Variants in EFHD2 observed in about 807,000 individuals in gnomAD.
EFHD2 encodes the protein EF-hand domain family member D2.
Under a neutral mutation model 20.3 loss-of-function variants are expected in EFHD2, and 12 were observed. That is an observed-to-expected ratio of 0.59 (90% CI 0.38 to 0.96). The LOEUF (loss-of-function observed/expected upper bound fraction) is 0.96. EFHD2 is among the 40% of genes least tolerant of loss of function. EFHD2 has a pLI of 0.00. For missense variants in EFHD2, 250 were observed against 334.3 expected, an observed-to-expected ratio of 0.75 and a Z score of 1.97; for synonymous variants, 131 against 143.9, an observed-to-expected ratio of 0.91 and a Z score of 0.64.
intron 1 of EFHD2, among the ~76,000 whole-genome samples, chr1:15,419,248 G>A (rs1340704958): frequency 6.6e-6 from 1 of 152,218 alleles, no homozygotes; most frequent in African/African-American, 2.4e-5. Flanking sequence ...GGGATGGATG[G>A]GGATTTTGTC....
chr1:15,409,964 G>A lies in EFHD2; in HGVS notation c.-8G>A. 8.1e-7 allele frequency: 1 copy of A among 1,234,202 alleles called. No homozygotes were observed. The highest frequency in any genetic ancestry group is 3.4e-5 in the East Asian group (1 of 29,578). The allele number at this position is 1,234,202 out of a possible 1,614,324, so 76.5% of individuals were successfully genotyped here. ...GGCCCGGCCAAGGCGAGTGCCGCGC[G>A]GGCCACCATGGCCACGGACGAGCTG... On this transcript the variant is annotated 5_prime_UTR_variant, in exon 1 of 4. Transcript: ENST00000375980.
intron 1 of EFHD2, among the ~76,000 whole-genome samples, chr1:15,420,709 G>A (rs927353027): frequency 3.6e-4 from 55 of 152,056 alleles, no homozygotes; most frequent in African/African-American, 1.2e-3. Flanking sequence ...TAGTAGAGAC[G>A]GAGTTTTACC....
At chr1:15,410,401 C>A (rs1473023239) in intron 1 of EFHD2, 122 bp downstream of exon 1, 4 of 1,238,224 alleles carry the variant, frequency 3.2e-6, no homozygotes, top group Admixed American at 3.1e-5. Flanking sequence ...TTCCCCGAAC[C>A]CAGACGCACC....
chr1:15,428,831 A>G lies in EFHD2; in HGVS notation c.*107A>G. Reference sequence around the variant, plus strand: ...GCCTGTGTCTGACGGGACCACTACTAAAAACCTAAAAATATCTGTGAATGG... The same window carrying G: ...GCCTGTGTCTGACGGGACCACTACTGAAAACCTAAAAATATCTGTGAATGG... On this transcript the variant is annotated 3_prime_UTR_variant, in exon 4 of 4. Transcript: ENST00000375980. 1 of 1,481,366 alleles carries G rather than the reference A, an allele frequency of 6.8e-7. No individual in the cohort carries two copies. The highest frequency in any genetic ancestry group is 1.3e-5 in the South Asian group (1 of 78,480). The allele number at this position is 1,481,366 out of a possible 1,614,324, so 91.8% of individuals were successfully genotyped here.
At chr1:15,420,581 A>G (rs918539109) in intron 1 of EFHD2, among the ~76,000 whole-genome samples, 5 of 152,062 alleles carry the variant, frequency 3.3e-5, no homozygotes, top group South Asian at 2.1e-4. Flanking sequence ...GTGCAGTGGC[A>G]TGATCTCAGC....
At chr1:15,410,425 C>T in intron 1 of EFHD2, 146 bp downstream of exon 1, 3 of 1,045,448 alleles carry the variant, frequency 2.9e-6, no homozygotes, top group Non-Finnish European at 2.7e-6. Flanking sequence ...GTTGGGGACC[C>T]GGCGGCCCCT....
chr1:15,421,458 C>G (rs934123407), intron 1 of EFHD2, among the ~76,000 whole-genome samples: 2 of 152,270 alleles, frequency 1.3e-5, no homozygotes, highest in East Asian at 3.9e-4. Flanking sequence ...TCTTTGGCAC[C>G]GCAGCCAGCC....
chr1:15,421,867 G>A (rs1707797622), intron 1 of EFHD2, among the ~76,000 whole-genome samples: 1 of 152,168 alleles, frequency 6.6e-6, no homozygotes, highest in Non-Finnish European at 1.5e-5. Flanking sequence ...GGATTGTAAA[G>A]AGAAAGTGCT....
Position 15,430,050 on chromosome 1 carries a change from C to G in EFHD2, c.*1326C>G, listed in dbSNP as rs1266353129. ...TTATTTTAGTAAAATGCCCAGGAGTCCTGGAAGCTACGCGGACTTGCAGAG... is the reference window on the plus strand; with the variant it reads ...TTATTTTAGTAAAATGCCCAGGAGTGCTGGAAGCTACGCGGACTTGCAGAG... On this transcript the variant is annotated 3_prime_UTR_variant, in exon 4 of 4. Transcript: ENST00000375980. 6.6e-6 allele frequency: 1 copy of G among 152,644 alleles called. No individual in the cohort carries two copies. Among genetic ancestry groups the G allele is most frequent in the Non-Finnish European group, 1.5e-5 (1 of 68,042 alleles). 9.5% of individuals were successfully genotyped at this position (152,644 alleles called of 1,614,324 possible). A position where few individuals can be genotyped will look rare whatever the true frequency, so the allele number is the denominator to read the frequency against.
chr1:15,410,037 C>G lies in EFHD2; in HGVS notation c.66C>G (p.Gly22=), dbSNP rs2103266748. Residue 22 remains glycine (G), a synonymous_variant, in exon 1 of 4, where the codon GGC becomes GGG. Coordinates refer to ENST00000375980, the MANE Select transcript of EFHD2 (RefSeq NM_024329.6). Reference sequence around the variant, plus strand: ...TGCAGATGGAGGGCGAGGGCGGCGGCGAGACCCCGGAGCAGCCCGGGCTGA... The same window carrying G: ...TGCAGATGGAGGGCGAGGGCGGCGGGGAGACCCCGGAGCAGCCCGGGCTGA... ...RRLQMEGEGG[G]ETPEQPGLNG... 7.8e-7 allele frequency: 1 copy of G among 1,279,908 alleles called. No individual in the cohort carries two copies. The highest frequency in any genetic ancestry group is 3.0e-5 in the South Asian group (1 of 33,074). The allele number at this position is 1,279,908 out of a possible 1,614,324, so 79.3% of individuals were successfully genotyped here.
In EFHD2 at chr1:15,428,892, C is replaced by G; in HGVS notation, c.*168C>G. 9.8e-7 allele frequency: 1 copy of G among 1,017,698 alleles called. No individual in the cohort carries two copies. Among genetic ancestry groups the G allele is most frequent in the East Asian group, 2.8e-5 (1 of 36,208 alleles). The allele number at this position is 1,017,698 out of a possible 1,614,324, so 63.0% of individuals were successfully genotyped here. A position where few individuals can be genotyped will look rare whatever the true frequency, so the allele number is the denominator to read the frequency against. ...GGGGTCTTATGGAGGTGGCCCGGCCCCTCCCCGCTCCCTTCCACTCTGCAC... is the reference window on the plus strand; with the variant it reads ...GGGGTCTTATGGAGGTGGCCCGGCCGCTCCCCGCTCCCTTCCACTCTGCAC... On this transcript the variant is annotated 3_prime_UTR_variant, in exon 4 of 4. Coordinates refer to ENST00000375980, the MANE Select transcript of EFHD2 (RefSeq NM_024329.6).
At chr1:15,418,503 C>A (rs1447701670) in intron 1 of EFHD2, among the ~76,000 whole-genome samples, 1 of 151,424 alleles carries the variant, frequency 6.6e-6, no homozygotes, top group Non-Finnish European at 1.5e-5. Context: ...GACGGGGTTT[C>A]ACCGTGTTAG....
chr1:15,411,935 C>T (rs1224918887), intron 1 of EFHD2, among the ~76,000 whole-genome samples: 1 of 152,110 alleles, frequency 6.6e-6, no homozygotes, highest in Admixed American at 6.5e-5. Context: ...TGCATTTGGC[C>T]CCAAGGCAGG....
chr1:15,426,473 G>C lies in EFHD2; in HGVS notation c.456+455G>C, dbSNP rs1483290215. Among the ~76,000 whole-genome samples, 1 of 152,084 alleles carries C rather than the reference G, an allele frequency of 6.6e-6. No individual in the cohort carries two copies. The highest frequency in any genetic ancestry group is 2.4e-5 in the African/African-American group (1 of 41,398). ...CAGGAGCTAGGGGCAAGCCGGTTTC[G>C]CAGGGAAGGAAATGGAGGCCCAAGC... is the stretch of plus-strand genomic sequence containing the variant. On this transcript the variant is annotated intron_variant, in intron 2 of 3. Coordinates refer to ENST00000375980, the MANE Select transcript of EFHD2 (RefSeq NM_024329.6). This position sits in a 1 kb window ranked among gnomAD's most constrained non-coding sequence, Gnocchi z 4.6.
At chr1:15,423,109 CA>C (rs1707821109) in intron 1 of EFHD2, among the ~76,000 whole-genome samples, 1 of 152,198 alleles carries the variant, frequency 6.6e-6, no homozygotes, top group Non-Finnish European at 1.5e-5. Context: ...TACCAGGCAG[CA>C]AACAGGGACC....
intron 1 of EFHD2, among the ~76,000 whole-genome samples, chr1:15,415,103 G>T (rs1180262669): frequency 6.6e-6 from 1 of 152,142 alleles, no homozygotes; most frequent in Non-Finnish European, 1.5e-5. Flanking sequence ...AAAATACAAG[G>T]TTCTCGTATG....
At chr1:15,412,352 A>T (rs182669351) in intron 1 of EFHD2, among the ~76,000 whole-genome samples, 4 of 152,138 alleles carry the variant, frequency 2.6e-5, no homozygotes, top group Non-Finnish European at 5.9e-5. Flanking sequence ...CAGGTCCCTC[A>T]AACAGCCCTG....
intron 1 of EFHD2, among the ~76,000 whole-genome samples, chr1:15,418,372 C>T (rs1455015712): frequency 2.9e-5 from 4 of 138,664 alleles, no homozygotes; most frequent in Non-Finnish European, 6.1e-5. Flanking sequence ...GTGGCGCGAT[C>T]TCGGCTCACT....
chr1:15,417,008 A>G (rs572552570), intron 1 of EFHD2, among the ~76,000 whole-genome samples: 3 of 151,902 alleles, frequency 2.0e-5, no homozygotes, highest in Non-Finnish European at 2.9e-5. Flanking sequence ...ATGGGGTCTC[A>G]TTATGTTGCT....
Sources: allele counts gnomAD v4.1 joint callset (sites outside exome capture counted in the v4.1 genomes callset), GRCh38; gene constraint gnomAD v4.1.1; non-coding constraint Gnocchi (gnomAD v3.1); transcripts MANE v1.5; gene names NCBI Gene and HGNC (gene_info 2026-07-23, HGNC 2026-07-21).